Variants in CC2D2A observed in about 807,000 individuals in gnomAD.
CC2D2A encodes coiled-coil and C2 domain containing 2A, also known as coiled-coil and C2 domain-containing protein 2A.
In CC2D2A, 155 loss-of-function variants were observed where a neutral mutation model predicts 212.9. The ratio of observed to expected loss-of-function variants is 0.73; its 90% confidence interval spans 0.64 to 0.83. CC2D2A has a LOEUF of 0.83. Among genes scored for constraint, CC2D2A ranks in the 40% least tolerant of loss-of-function variants. The pLI is 0.00. For missense variants in CC2D2A, 1,856 were observed against 1,956.2 expected, an observed-to-expected ratio of 0.95 and a Z score of 0.97; for synonymous variants, 667 against 686.5, an observed-to-expected ratio of 0.97 and a Z score of 0.44.
chr4:15,599,745 C>A, intron 36 of CC2D2A, 39 bp downstream of exon 36: 1 of 1,477,672 alleles, frequency 6.8e-7, no homozygotes, highest in South Asian at 1.4e-5. Flanking sequence ...TGTGGATTTC[C>A]TTGTTTCAAA....
intron 4 of CC2D2A, chr4:15,481,568 T>C (rs956923644): frequency 1.7e-5 from 3 of 181,126 alleles, no homozygotes; most frequent in Non-Finnish European, 2.3e-5. Context: ...TTGCTCCCTC[T>C]CTCACCATGC....
At chr4:15,539,734 GAC>G (rs1718324270) in intron 16 of CC2D2A, among the ~76,000 whole-genome samples, 1 of 152,140 alleles carries the variant, frequency 6.6e-6, no homozygotes, top group Non-Finnish European at 1.5e-5. Context: ...AATATGTGAT[GAC>G]ACAGCATGCT....
chr4:15,561,316 A>G (rs1404945900), intron 23 of CC2D2A, among the ~76,000 whole-genome samples: 2 of 152,110 alleles, frequency 1.3e-5, no homozygotes, highest in African/African-American at 4.8e-5. Context: ...GTCTCCTAAA[A>G]AGGTTTTTTC....
chr4:15,563,376 C>A lies in CC2D2A; in HGVS notation c.3036C>A (p.Phe1012Leu). 6.2e-7 allele frequency: 1 copy of A among 1,605,084 alleles called. No individual in the cohort carries two copies. Among genetic ancestry groups the A allele is most frequent in the Non-Finnish European group, 8.5e-7 (1 of 1,175,550 alleles). ...PNISILGLSL[F>L]KLAEQKRPLR... is the part of the protein sequence containing the mutation. ...TTAGCATTTTGGGCCTAAGCCTTTT[C>A]AAGCTGGCAGAACAAAAGCGACCAC... Residue 1012 changes from phenylalanine (F) to leucine (L), a missense_variant, in exon 24 of 37, where the codon TTC becomes TTA. By Grantham distance (22) the Phe-to-Leu change is conservative. Around this residue, in one of 5 missense-constraint regions of CC2D2A, gnomAD observed 1,512 missense variants for 1,579.3 expected, o/e 0.96. Transcript: ENST00000424120.
At chr4:15,482,083 T>C in intron 4 of CC2D2A, 1 of 985,482 alleles carries the variant, frequency 1.0e-6, no homozygotes, top group East Asian at 1.1e-4. Context: ...GTTACACTTT[T>C]TAATTGTTAC....
chr4:15,509,738 G>A (rs781199454), intron 6 of CC2D2A, among the ~76,000 whole-genome samples: 19 of 152,104 alleles, frequency 1.2e-4, no homozygotes, highest in Non-Finnish European at 2.5e-4. Flanking sequence ...AGGCATTTTC[G>A]TCATTGTGTG....
chr4:15,493,705 C>A (rs1037463869), intron 4 of CC2D2A, among the ~76,000 whole-genome samples: 3 of 152,212 alleles, frequency 2.0e-5, no homozygotes, highest in Non-Finnish European at 2.9e-5. Flanking sequence ...CTATCTCCCC[C>A]ACTGGCATAC....
intron 4 of CC2D2A, among the ~76,000 whole-genome samples, chr4:15,501,373 C>CCCACT (rs1319090383): frequency 1.3e-5 from 2 of 152,164 alleles, no homozygotes; most frequent in African/African-American, 4.8e-5. Flanking sequence ...TGGCACCTCA[C>CCCACT]CCACTCCACC....
chr4:15,572,527 A>G (rs1379858344), intron 28 of CC2D2A, among the ~76,000 whole-genome samples: 4 of 151,632 alleles, frequency 2.6e-5, no homozygotes, highest in Admixed American at 6.6e-5. Context: ...CTCACAACTA[A>G]TAAGAGTTGG....
intron 1 of CC2D2A, among the ~76,000 whole-genome samples, chr4:15,472,369 A>T (rs1713889715): frequency 6.6e-6 from 1 of 152,210 alleles, no homozygotes; most frequent in Non-Finnish European, 1.5e-5. Context: ...GCCAGTAGGA[A>T]TATATTAACA....
chr4:15,486,555 T>C (rs1715012241), intron 4 of CC2D2A, among the ~76,000 whole-genome samples: 4 of 152,062 alleles, frequency 2.6e-5, no homozygotes, highest in African/African-American at 4.8e-5. Flanking sequence ...TCTCTTTTTC[T>C]TAATCTGGCT....
chr4:15,578,782 C>T (rs993527439), intron 29 of CC2D2A, among the ~76,000 whole-genome samples: 2 of 149,602 alleles, frequency 1.3e-5, no homozygotes, highest in Non-Finnish European at 3.0e-5. Flanking sequence ...CGCATCACTA[C>T]ACCTGGTTTG....
At chr4:15,513,955 T>C (rs186241001) in intron 8 of CC2D2A, among the ~76,000 whole-genome samples, 1 of 152,334 alleles carries the variant, frequency 6.6e-6, no homozygotes, top group Admixed American at 6.5e-5. Context: ...CACAGGATTT[T>C]AAAAGATGTT....
chr4:15,574,576 G>T (rs1044723340), intron 29 of CC2D2A, among the ~76,000 whole-genome samples: 15 of 152,122 alleles, frequency 9.9e-5, no homozygotes, highest in African/African-American at 3.4e-4. Flanking sequence ...TAAAACTTAA[G>T]ACTTTTAGTC....
In CC2D2A at chr4:15,540,894, G is replaced by A. The variant is rs182372139; in HGVS notation, c.2061G>A (p.Leu687=). The part of the protein sequence containing the change: ...VKKRSVYLKV[L]FNNKEVSRTV... ...AGCGCTCAGTGTACTTAAAAGTGCT[G>A]TTCAACAACAAGGAGGTGTCCAGGA... Residue 687 remains leucine, a synonymous_variant, in exon 17 of 37, where the codon CTG becomes CTA. Coordinates refer to ENST00000424120, the MANE Select transcript of CC2D2A (RefSeq NM_001378615.1). 15 of 1,593,706 alleles carry A rather than the reference G, an allele frequency of 9.4e-6. No homozygotes were observed. In the Admixed American group the frequency reaches 2.3e-4, roughly 24 times the overall value.
At position 15,527,503 on chromosome 4, in the gene CC2D2A, A is replaced by G. The variant is rs1717572743; in HGVS notation, c.1206A>G (p.Gly402=). Residue 402 remains glycine (G), a synonymous_variant, in exon 12 of 37, where the codon GGA becomes GGG. Coordinates refer to ENST00000424120, the MANE Select transcript of CC2D2A (RefSeq NM_001378615.1). ...QHVIRSGDPP[G]NFQLDIDISG... is the part of the protein sequence containing the mutation. ...TGATCAGATCTGGAGACCCTCCTGG[A>G]AATTTCCAACTGGACATTGATATTT... is the stretch of plus-strand genomic sequence containing the variant. 6.2e-7 allele frequency: 1 copy of G among 1,613,746 alleles called. No homozygotes were observed. Among genetic ancestry groups the G allele is most frequent in the Non-Finnish European group, 8.5e-7 (1 of 1,179,764 alleles).
chr4:15,583,959 AAAAAAG>A (rs1316438090), intron 30 of CC2D2A, among the ~76,000 whole-genome samples: 11 of 150,038 alleles, frequency 7.3e-5, no homozygotes, highest in Non-Finnish European at 1.0e-4. Context: ...TCAAAAAAAA[AAAAAAG>A]AAAAGAAAAG....
At chr4:15,532,764 GCAATAA>G (rs1560169025) in intron 13 of CC2D2A, among the ~76,000 whole-genome samples, 2 of 152,202 alleles carry the variant, frequency 1.3e-5, no homozygotes, top group Non-Finnish European at 2.9e-5. Flanking sequence ...TCCAAGGCAT[GCAATAA>G]CAATACTTCA....
rs1064797307 is a variant in CC2D2A at position 15,481,275 on chromosome 4, G to A, written c.247+448G>A. ...TGTAATCCCAGCACTTTGGAAGGCC[G>A]AGGCGGGTAAATCACCTGAGGTTGG... On this transcript the variant is annotated intron_variant, in intron 4 of 36. Transcript: ENST00000424120. 2.4e-5 allele frequency: 11 copies of A among 452,788 alleles called. No individual in the cohort carries two copies. The highest frequency in any genetic ancestry group is 6.4e-4 in the Middle Eastern group (1 of 1,562). The allele number at this position is 452,788 out of a possible 1,614,324, so 28.0% of individuals were successfully genotyped here.
Sources: allele counts gnomAD v4.1 joint callset (sites outside exome capture counted in the v4.1 genomes callset), GRCh38; gene constraint gnomAD v4.1.1; regional missense constraint gnomAD v4.1.1; transcripts MANE v1.5; gene names NCBI Gene and HGNC (gene_info 2026-07-23, HGNC 2026-07-21).